CAMK2A: variants seen among roughly 807,000 people sequenced by gnomAD.
CAMK2A encodes calcium/calmodulin dependent protein kinase II alpha.
CAMK2A carries 7 observed loss-of-function variants against 79.2 expected under a neutral mutation model. The ratio of observed to expected loss-of-function variants is 0.09; its 90% CI spans 0.05 to 0.17. The LOEUF is 0.17. Ranked by LOEUF, CAMK2A falls within the 10% of genes least tolerant of loss-of-function variation. The probability of loss-of-function intolerance (pLI) is 1.00; values close to 1 mark genes in which losing one functional copy is unlikely to be tolerated. For missense variants in CAMK2A, 214 were observed against 646.4 expected (o/e 0.33, Z 7.25); for synonymous variants, 242 against 251.7 (o/e 0.96, Z 0.36).
At chr5:150,251,900 G>T in intron 8 of CAMK2A, 56 bp from the exon 9 acceptor site, 4 of 1,533,292 alleles carry the variant, frequency 2.6e-6, no homozygotes, top group Non-Finnish European at 3.6e-6. Context: ...CATGGGGGGA[G>T]GGGAGTGATG....
At chr5:150,222,757 T>C (rs1445195453) in intron 18 of CAMK2A, 44 bp from the exon 19 acceptor site, 1 of 1,613,082 alleles carries the variant, frequency 6.2e-7, no homozygotes, top group Admixed American at 1.7e-5. Flanking sequence ...TGGTGTTTCC[T>C]GCTTGGGCAA....
chr5:150,252,596 G>A (rs769089108), intron 7 of CAMK2A, among the ~76,000 whole-genome samples: 1 of 152,228 alleles, frequency 6.6e-6, no homozygotes. Flanking sequence ...GTCAAATGAA[G>A]GATTAGGGAT....
At chr5:150,248,774 TGAG>T (rs1187559933) in intron 11 of CAMK2A, among the ~76,000 whole-genome samples, 1 of 152,078 alleles carries the variant, frequency 6.6e-6, no homozygotes, top group African/African-American at 2.4e-5. Context: ...TTTGCTATTG[TGAG>T]TAGTGCCGCA....
chr5:150,269,844 A>C (rs1756663815), intron 2 of CAMK2A, among the ~76,000 whole-genome samples: 1 of 152,230 alleles, frequency 6.6e-6, no homozygotes, highest in Non-Finnish European at 1.5e-5. Flanking sequence ...GATGGGAAGC[A>C]CATGTCTTGC....
intron 13 of CAMK2A, among the ~76,000 whole-genome samples, chr5:150,240,177 G>A (rs892380942): frequency 3.3e-5 from 5 of 152,178 alleles, no homozygotes; most frequent in East Asian, 1.9e-4. Flanking sequence ...CGTGCATCTC[G>A]GCTAGGAGGA....
chr5:150,251,277 G>A lies in CAMK2A; in HGVS notation c.694-467C>T, dbSNP rs189938113. On this transcript the variant is annotated intron_variant, in intron 9 of 18. Coordinates refer to ENST00000671881, the MANE Select transcript of CAMK2A (RefSeq NM_015981.4). ...TTGGTAGTTAGAAGCATGGATGGTAGAGCCAGACTGCCTGGTTCAAATCCC... is the reference window on the plus strand; with the variant it reads ...TTGGTAGTTAGAAGCATGGATGGTAAAGCCAGACTGCCTGGTTCAAATCCC... Among the ~76,000 whole-genome samples the A allele has an allele frequency of 2.4e-4, 37 of 152,312 alleles. 2 individuals carry two copies. The highest frequency in any genetic ancestry group is 8.9e-4 in the African/African-American group (37 of 41,568).
chr5:150,226,652 G>A (rs545822571), intron 17 of CAMK2A, among the ~76,000 whole-genome samples: 1 of 137,304 alleles, frequency 7.3e-6, no homozygotes, highest in Non-Finnish European at 1.5e-5. Flanking sequence ...CAGGAGAATT[G>A]CTTGAACCCA....
At chr5:150,253,693 C>T in intron 6 of CAMK2A, 147 bp from the exon 7 acceptor site, 1 of 661,222 alleles carries the variant, frequency 1.5e-6, no homozygotes, top group East Asian at 2.7e-5. Flanking sequence ...AGCCCCGCCT[C>T]AGGCTCCTGA....
rs73281771 is a variant in CAMK2A at position 150,252,708 on chromosome 5, G to A, written c.515-643C>T. On this transcript the variant is annotated intron_variant, in intron 7 of 18. Transcript: ENST00000671881. ...CTTTTAAGAACACTTACAAGTTACC[G>A]AGTGTGTATGCTAAGCATTGGGCTG... Among the ~76,000 whole-genome samples the A allele has an allele frequency of 4.9e-3, 748 of 152,290 alleles. 6 individuals carry two copies. Among genetic ancestry groups the A allele is most frequent in the African/African-American group, 0.017 (721 of 41,566 alleles).
chr5:150,237,895 T>C (rs966921491), intron 15 of CAMK2A, among the ~76,000 whole-genome samples: 2 of 152,206 alleles, frequency 1.3e-5, no homozygotes, highest in East Asian at 1.9e-4. Flanking sequence ...CTGAGAGCTT[T>C]TGAGGACTGC....
At position 150,256,132 on chromosome 5, in the gene CAMK2A, G is replaced by T. The variant is rs892783842; in HGVS notation, c.411+441C>A. Among the ~76,000 whole-genome samples, 1 of 152,172 alleles carries T rather than the reference G, an allele frequency of 6.6e-6. No homozygotes were observed. The highest frequency in any genetic ancestry group is 6.5e-5 in the Admixed American group (1 of 15,278). On this transcript the variant is annotated intron_variant, in intron 6 of 18. Coordinates refer to ENST00000671881, the MANE Select transcript of CAMK2A (RefSeq NM_015981.4). The surrounding 1 kb of genome is among the most constrained non-coding windows in gnomAD (Gnocchi z 4.6). ...AGAATGCATCTGTATACCAGGCCCC[G>T]TGCTATCTCATTTCATATCCTCACC...
At chr5:150,266,710 C>T (rs558549728) in intron 2 of CAMK2A, among the ~76,000 whole-genome samples, 4 of 152,308 alleles carry the variant, frequency 2.6e-5, no homozygotes, top group Non-Finnish European at 4.4e-5. Flanking sequence ...ATACTGTTCT[C>T]TGTGCCCCAG....
In CAMK2A at chr5:150,224,834, G is replaced by T. The variant is rs77905546; in HGVS notation, c.1238-1617C>A. Among the ~76,000 whole-genome samples the T allele has an allele frequency of 9.3e-3, 1,371 of 146,642 alleles. 6 individuals are homozygous for T. The highest frequency in any genetic ancestry group is 0.015 in the Non-Finnish European group (1,009 of 67,076). ...AAGCAATCTGACTCGTCCCAAGCTG[G>T]GCTAATTCCTGAAAAAAACGCAGTG... is the stretch of plus-strand genomic sequence containing the variant. On this transcript the variant is annotated intron_variant, in intron 17 of 18. Transcript: ENST00000671881.
chr5:150,257,387 A>T (rs1008195988), intron 4 of CAMK2A, among the ~76,000 whole-genome samples, 176 bp downstream of exon 4: 11 of 152,270 alleles, frequency 7.2e-5, no homozygotes, highest in African/African-American at 2.4e-4. Flanking sequence ...ATGAAAGCTA[A>T]AAGTGTTTGT....
intron 17 of CAMK2A, among the ~76,000 whole-genome samples, chr5:150,227,860 G>A (rs1163272730): frequency 6.6e-6 from 1 of 152,156 alleles, no homozygotes; most frequent in Non-Finnish European, 1.5e-5. Context: ...TCAGTGGGAA[G>A]CCTCCCTTAT....
At chr5:150,253,610 A>G in intron 6 of CAMK2A, 64 bp from the exon 7 acceptor site, 1 of 1,381,658 alleles carries the variant, frequency 7.2e-7, no homozygotes, top group East Asian at 2.3e-5. Context: ...CAGCAGATTC[A>G]GAGCCTCACC....
intron 16 of CAMK2A, among the ~76,000 whole-genome samples, chr5:150,229,354 G>A (rs1255056740): frequency 6.6e-6 from 1 of 152,186 alleles, no homozygotes; most frequent in African/African-American, 2.4e-5. Context: ...AATCCCCCAA[G>A]AGTGGGGGTC....
chr5:150,273,308 AG>A (rs2150302225), intron 1 of CAMK2A, 149 bp from the exon 2 acceptor site: 1 of 617,282 alleles, frequency 1.6e-6, no homozygotes, highest in African/African-American at 1.8e-5. Flanking sequence ...GACCCAACTC[AG>A]GGACACAGCG....
intron 7 of CAMK2A, 127 bp downstream of exon 7, chr5:150,253,317 C>G (rs572469142): frequency 1.4e-6 from 1 of 726,098 alleles, no homozygotes; most frequent in Admixed American, 2.1e-5. Flanking sequence ...GGCCTCTGCT[C>G]TACCAGCCCC....
Sources: allele counts gnomAD v4.1 joint callset (sites outside exome capture counted in the v4.1 genomes callset), GRCh38; gene constraint gnomAD v4.1.1; non-coding constraint Gnocchi (gnomAD v3.1); transcripts MANE v1.5; gene names NCBI Gene and HGNC (gene_info 2026-07-23, HGNC 2026-07-21).